Variants in PARVA observed in about 807,000 individuals in gnomAD.
PARVA encodes the protein parvin alpha.
PARVA carries 25 observed loss-of-function variants against 52.6 expected under a neutral mutation model. That is an observed-to-expected ratio of 0.48 (90% CI 0.35 to 0.66). The LOEUF (loss-of-function observed/expected upper bound fraction) is 0.66, where lower values mean the gene tolerates loss of function less well. Ranked by LOEUF, PARVA falls within the 30% of genes least tolerant of loss-of-function variation. The pLI is 0.01. For missense variants in PARVA, 373 were observed against 450.9 expected (o/e 0.83, Z 1.56); for synonymous variants, 185 against 179.1 (o/e 1.03, Z -0.26).
intron 1 of PARVA, among the ~76,000 whole-genome samples, chr11:12,381,230 T>C (rs1939481570): frequency 6.6e-6 from 1 of 152,086 alleles, no homozygotes; most frequent in Non-Finnish European, 1.5e-5. Context: ...GGGGCCCCAT[T>C]AACCATCACT....
intron 1 of PARVA, among the ~76,000 whole-genome samples, chr11:12,425,880 C>T (rs910838604): frequency 6.6e-6 from 1 of 152,196 alleles, no homozygotes; most frequent in Non-Finnish European, 1.5e-5. Context: ...AATCTGTGGC[C>T]AAGGACACGT....
intron 4 of PARVA, among the ~76,000 whole-genome samples, chr11:12,482,168 A>AG (rs1338635984): frequency 6.6e-6 from 1 of 151,514 alleles, no homozygotes; most frequent in African/African-American, 2.4e-5. Context: ...AAAAAAAAAA[A>AG]AAAAGAAAAA....
intron 7 of PARVA, among the ~76,000 whole-genome samples, chr11:12,510,012 C>T (rs898103129): frequency 1.3e-5 from 2 of 152,204 alleles, no homozygotes; most frequent in Non-Finnish European, 2.9e-5. Context: ...AACAATCTCT[C>T]GGATGCATGT....
rs912411466 is a variant in PARVA at position 12,530,973 on chromosome 11, T to A, written c.*3048T>A. Among the ~76,000 whole-genome samples, 1 of 152,216 alleles carries A rather than the reference T, an allele frequency of 6.6e-6. No individual in the cohort carries two copies. Among genetic ancestry groups the A allele is most frequent in the South Asian group, 2.1e-4 (1 of 4,832 alleles). The stretch of plus-strand genomic sequence containing the variant: ...GGGCACATTATCAGAGGCATCCTCA[T>A]GTGCCTCGAACCGAATGTTTTTAAG... On this transcript the variant is annotated 3_prime_UTR_variant, in exon 13 of 13. Transcript: ENST00000334956.
chr11:12,445,410 G>A (rs747990047), intron 1 of PARVA, among the ~76,000 whole-genome samples: 1 of 152,114 alleles, frequency 6.6e-6, no homozygotes. Flanking sequence ...GGGGAATCAG[G>A]ACATAAATAC....
intron 1 of PARVA, among the ~76,000 whole-genome samples, chr11:12,455,102 A>C (rs966092712): frequency 6.6e-6 from 1 of 152,052 alleles, no homozygotes; most frequent in East Asian, 1.9e-4. Context: ...TGTTCCCCTG[A>C]CCCCTGCATT....
At position 12,452,407 on chromosome 11, in the gene PARVA, T is replaced by C. The variant is rs577006227; in HGVS notation, c.137-21338T>C. ...TAAACTAGTAGTTAGATCTTCGTGA[T>C]CTAGTTTAAGTTATCTCACCTGATA... On this transcript the variant is annotated intron_variant, in intron 1 of 12. Transcript: ENST00000334956. Among the ~76,000 whole-genome samples the C allele has an allele frequency of 1.1e-3, 166 of 152,130 alleles. No individual in the cohort carries two copies. In the Middle Eastern group the frequency reaches 0.017, roughly 16 times the overall value.
intron 1 of PARVA, among the ~76,000 whole-genome samples, chr11:12,403,463 T>C (rs191728920): frequency 1.0e-3 from 159 of 152,334 alleles, no homozygotes; most frequent in Admixed American, 9.3e-3. Context: ...GCTCTGAGCA[T>C]TTCCACTGTG....
At chr11:12,461,126 A>G (rs990354032) in intron 1 of PARVA, among the ~76,000 whole-genome samples, 2 of 152,172 alleles carry the variant, frequency 1.3e-5, no homozygotes, top group African/African-American at 4.8e-5. Context: ...GCTGCCCTTT[A>G]GGAACCAACT....
At chr11:12,430,815 C>T (rs1940306050) in intron 1 of PARVA, among the ~76,000 whole-genome samples, 1 of 152,196 alleles carries the variant, frequency 6.6e-6, no homozygotes. Context: ...CCTGATCTCA[C>T]CTCCTAAAAG....
At chr11:12,428,973 C>T (rs1442982251) in intron 1 of PARVA, among the ~76,000 whole-genome samples, 1 of 152,028 alleles carries the variant, frequency 6.6e-6, no homozygotes, top group African/African-American at 2.4e-5. Context: ...AAATCAGGTT[C>T]AGAGTTTTTG....
chr11:12,499,941 G>T (rs1169595784), intron 5 of PARVA, among the ~76,000 whole-genome samples: 1 of 152,054 alleles, frequency 6.6e-6, no homozygotes, highest in African/African-American at 2.4e-5. Flanking sequence ...ATGTGACATT[G>T]TATGGATCTA....
intron 1 of PARVA, among the ~76,000 whole-genome samples, chr11:12,383,813 A>C (rs146383663): frequency 8.5e-5 from 13 of 152,238 alleles, no homozygotes; most frequent in African/African-American, 2.9e-4. Flanking sequence ...AATTCTCAAA[A>C]AAGTTTCTAA....
intron 1 of PARVA, among the ~76,000 whole-genome samples, chr11:12,411,287 A>G (rs539176192): frequency 1.3e-5 from 2 of 152,328 alleles, no homozygotes; most frequent in African/African-American, 4.8e-5. Context: ...CTAATAGAAC[A>G]GTTTTAGATT....
chr11:12,474,284 C>T (rs1044939381), intron 3 of PARVA, among the ~76,000 whole-genome samples: 2 of 152,046 alleles, frequency 1.3e-5, no homozygotes, highest in Non-Finnish European at 1.5e-5. Context: ...CTCAAGGACC[C>T]TCAAAAGCAG....
At chr11:12,465,233 AG>A (rs1210618252) in intron 1 of PARVA, among the ~76,000 whole-genome samples, 1 of 152,100 alleles carries the variant, frequency 6.6e-6, no homozygotes, top group Non-Finnish European at 1.5e-5. Context: ...TGGCTTTATA[AG>A]AAGAGGAAGA....
intron 1 of PARVA, among the ~76,000 whole-genome samples, chr11:12,405,285 C>G (rs1187251922): frequency 6.6e-6 from 1 of 152,170 alleles, no homozygotes; most frequent in Non-Finnish European, 1.5e-5. Flanking sequence ...TAAAATTGCA[C>G]CATATACCTT....
At chr11:12,509,472 C>T (rs1017538536) in intron 7 of PARVA, among the ~76,000 whole-genome samples, 2 of 152,178 alleles carry the variant, frequency 1.3e-5, no homozygotes, top group African/African-American at 4.8e-5. Context: ...TTCCCTTGCC[C>T]TCTGTAGCTG....
At chr11:12,502,698 C>G (rs1941379006) in intron 5 of PARVA, among the ~76,000 whole-genome samples, 1 of 152,054 alleles carries the variant, frequency 6.6e-6, no homozygotes, top group Admixed American at 6.6e-5. Flanking sequence ...AAATGTTCAA[C>G]AGTGGCTAGA....
Sources: gnomAD v4.1 joint callset for allele counts (sites outside exome capture counted in the v4.1 genomes callset) on GRCh38, gnomAD v4.1.1 for gene constraint, MANE v1.5 for transcripts, NCBI Gene and HGNC (gene_info 2026-07-23, HGNC 2026-07-21) for gene names.